Variants in ARL13B observed in about 807,000 individuals in gnomAD.
ARL13B encodes ADP-ribosylation factor-like protein 13B.
In ARL13B, 36 loss-of-function variants were observed where a neutral mutation model predicts 56.1. The ratio of observed to expected loss-of-function variants is 0.64; its 90% CI spans 0.49 to 0.85. ARL13B has a LOEUF of 0.85. Among genes scored for constraint, ARL13B ranks in the 40% least tolerant of loss-of-function variants. The pLI, the probability that ARL13B is intolerant of heterozygous loss-of-function variation, is 0.00. For synonymous variants in ARL13B, 178 were observed against 171.1 expected (o/e 1.04, Z -0.32); for missense variants, 519 against 507.1 (o/e 1.02, Z -0.23).
intron 3 of ARL13B, among the ~76,000 whole-genome samples, chr3:94,009,072 T>TG (rs2076179059): frequency 1.0e-5 from 1 of 100,488 alleles, no homozygotes; most frequent in African/African-American, 3.8e-5. Flanking sequence ...CAAGGAGCAG[T>TG]AAAGATAGAT....
intron 6 of ARL13B, among the ~76,000 whole-genome samples, chr3:94,041,057 G>T (rs1033646332): frequency 2.0e-5 from 3 of 151,136 alleles, no homozygotes; most frequent in Non-Finnish European, 4.4e-5. Flanking sequence ...GGCCAGTAAA[G>T]AAATAAAAGC....
At chr3:94,039,263 G>A (rs542709450) in intron 5 of ARL13B, among the ~76,000 whole-genome samples, 61 of 152,220 alleles carry the variant, frequency 4.0e-4, no homozygotes, top group Middle Eastern at 6.8e-3. Flanking sequence ...CACTTTGGGA[G>A]GCAGAGGCAG....
In ARL13B at chr3:94,014,806, A is replaced by G. The variant is rs747649077; in HGVS notation, c.380+10898A>G. The stretch of plus-strand genomic sequence containing the variant: ...CTTGCACTTCTCTTGCTTTGCTGCT[A>G]TTGTGTCATTGTATATAAACATGAT... On this transcript the variant is annotated intron_variant, in intron 3 of 9. Transcript: ENST00000394222. 1.4e-5 allele frequency: 22 copies of G among 1,613,910 alleles called. No homozygotes were observed. In the Admixed American group the frequency reaches 2.5e-4, roughly 18 times the overall value.
chr3:94,024,102 G>A (rs950464231), intron 3 of ARL13B, among the ~76,000 whole-genome samples: 1 of 152,024 alleles, frequency 6.6e-6, no homozygotes, highest in African/African-American at 2.4e-5. Flanking sequence ...TCTTGTACTA[G>A]CTTGTCACTA....
At chr3:94,021,182 T>TTATA (rs373884811) in intron 3 of ARL13B, among the ~76,000 whole-genome samples, 428 of 146,438 alleles carry the variant, frequency 2.9e-3, no homozygotes, top group East Asian at 8.7e-3. Context: ...TTTAATATTA[T>TTATA]TATATATATA....
intron 2 of ARL13B, among the ~76,000 whole-genome samples, chr3:93,999,844 CTT>C: frequency 6.6e-6 from 1 of 152,164 alleles, no homozygotes; most frequent in Non-Finnish European, 1.5e-5. Flanking sequence ...ATAGATGTTT[CTT>C]TCTTTCTCAT....
intron 3 of ARL13B, among the ~76,000 whole-genome samples, chr3:94,029,335 T>TATATA (rs1559997736): frequency 1.3e-4 from 8 of 60,686 alleles, no homozygotes; most frequent in South Asian, 4.1e-4. Context: ...TATATATATA[T>TATATA]TTATTTTTTT....
At chr3:93,992,967 ATTTTT>A (rs137978294) in intron 1 of ARL13B, among the ~76,000 whole-genome samples, 1 of 114,574 alleles carries the variant, frequency 8.7e-6, no homozygotes, top group Non-Finnish European at 1.9e-5. Flanking sequence ...TAATTTTTGT[ATTTTT>A]TTTTTTTTTT....
chr3:94,029,411 G>A (rs1227524821), intron 3 of ARL13B, among the ~76,000 whole-genome samples: 6 of 138,014 alleles, frequency 4.3e-5, no homozygotes, highest in South Asian at 4.6e-4. Flanking sequence ...GCAGTGGCAC[G>A]ATCTTGGCTC....
At chr3:94,029,358 T>TTA (rs2076632664) in intron 3 of ARL13B, among the ~76,000 whole-genome samples, 1 of 136,358 alleles carries the variant, frequency 7.3e-6, no homozygotes, top group Non-Finnish European at 1.6e-5. Context: ...TATTTTTTTT[T>TTA]TTTTTTGAGA....
At chr3:94,006,640 A>G (rs770740434) in intron 3 of ARL13B, among the ~76,000 whole-genome samples, 1 of 152,152 alleles carries the variant, frequency 6.6e-6, no homozygotes, top group Non-Finnish European at 1.5e-5. Context: ...TATTTTTCAG[A>G]TTACAAAACT....
intron 3 of ARL13B, among the ~76,000 whole-genome samples, chr3:94,034,305 C>T (rs2076730174): frequency 1.3e-5 from 2 of 151,344 alleles, no homozygotes. Flanking sequence ...GGGAAGGGTT[C>T]GTTAGATTTC....
chr3:94,003,554 A>G, intron 2 of ARL13B, 105 bp from the exon 3 acceptor site: 2 of 1,262,208 alleles, frequency 1.6e-6, no homozygotes, highest in Non-Finnish European at 2.2e-6. Context: ...TTATTGTGTC[A>G]GTGAATGCTA....
At chr3:94,053,083 T>C in intron 9 of ARL13B, 104 bp from the exon 10 acceptor site, 1 of 910,254 alleles carries the variant, frequency 1.1e-6, no homozygotes, top group Non-Finnish European at 1.7e-6. Flanking sequence ...GTTTATCTCT[T>C]TGGAAATGTC....
chr3:93,986,542 A>C (rs1710473222), intron 1 of ARL13B, among the ~76,000 whole-genome samples: 1 of 152,134 alleles, frequency 6.6e-6, no homozygotes, highest in Admixed American at 6.5e-5. Context: ...ATTTATGTTT[A>C]TGTTAAAATT....
chr3:94,029,251 T>C (rs1016526816), intron 3 of ARL13B, among the ~76,000 whole-genome samples: 82 of 144,316 alleles, frequency 5.7e-4, no homozygotes, highest in African/African-American at 2.0e-3. Flanking sequence ...TCTACCTGAC[T>C]TGTTACTATT....
intron 3 of ARL13B, among the ~76,000 whole-genome samples, chr3:94,019,810 C>T (rs1172137460): frequency 6.6e-6 from 1 of 152,202 alleles, no homozygotes; most frequent in Non-Finnish European, 1.5e-5. Flanking sequence ...CCTTGCTGTT[C>T]TCACACAAAT....
intron 7 of ARL13B, among the ~76,000 whole-genome samples, chr3:94,043,547 TC>T (rs2076904742): frequency 5.0e-3 from 1 of 200 alleles, no homozygotes; most frequent in Admixed American, 0.028. Context: ...CTCCCCCTCC[TC>T]CCCCTCCCCC....
chr3:93,985,266 T>C (rs1202467860), intron 1 of ARL13B, among the ~76,000 whole-genome samples: 1 of 152,172 alleles, frequency 6.6e-6, no homozygotes, highest in Non-Finnish European at 1.5e-5. Context: ...GCTCAGTAAA[T>C]CTCTGGGCCT....
Sources: gnomAD v4.1 joint callset for allele counts (sites outside exome capture counted in the v4.1 genomes callset) on GRCh38, gnomAD v4.1.1 for gene constraint, MANE v1.5 for transcripts, NCBI Gene and HGNC (gene_info 2026-07-23, HGNC 2026-07-21) for gene names.